PLCB1: variants seen among roughly 807,000 people sequenced by gnomAD.
PLCB1 encodes 1-phosphatidylinositol 4,5-bisphosphate phosphodiesterase beta-1.
Under a neutral mutation model 161.8 loss-of-function variants are expected in PLCB1, and 46 were observed. The observed-to-expected ratio is 0.28, with a 90% confidence interval of 0.22 to 0.36. The LOEUF is 0.36. PLCB1 is among the 10% of genes least tolerant of loss of function. The pLI, the probability that PLCB1 is intolerant of heterozygous loss-of-function variation, is 1.00. For missense variants in PLCB1, 1,016 were observed against 1,472.5 expected (o/e 0.69, Z 5.07); for synonymous variants, 517 against 503.7 (o/e 1.03, Z -0.35).
At chr20:8,136,174 G>A (rs959390826) in intron 1 of PLCB1, among the ~76,000 whole-genome samples, 1 of 152,056 alleles carries the variant, frequency 6.6e-6, no homozygotes, top group African/African-American at 2.4e-5. Context: ...CTGTGGGCAG[G>A]TTGCTTAACG....
At chr20:8,788,212 A>C (rs1478702897) in intron 27 of PLCB1, among the ~76,000 whole-genome samples, 2 of 152,238 alleles carry the variant, frequency 1.3e-5, no homozygotes, top group Non-Finnish European at 2.9e-5. Flanking sequence ...CAATCTAATG[A>C]ATTCTGTTTA....
chr20:8,794,460 G>A (rs900561869), intron 31 of PLCB1, among the ~76,000 whole-genome samples: 2 of 152,274 alleles, frequency 1.3e-5, no homozygotes, highest in South Asian at 2.1e-4. Flanking sequence ...CTGACTTCCT[G>A]CAACAAGATG....
At chr20:8,775,314 T>C (rs939012852) in intron 27 of PLCB1, among the ~76,000 whole-genome samples, 4 of 152,214 alleles carry the variant, frequency 2.6e-5, no homozygotes, top group African/African-American at 9.7e-5. Flanking sequence ...TGTTGATTCC[T>C]TGATACATAG....
chr20:8,395,231 C>T (rs2122448656), intron 3 of PLCB1, among the ~76,000 whole-genome samples: 1 of 152,118 alleles, frequency 6.6e-6, no homozygotes, highest in South Asian at 2.1e-4. Context: ...AGATAAATCT[C>T]TACTGTCGAA....
At chr20:8,578,713 C>T (rs553130900) in intron 3 of PLCB1, among the ~76,000 whole-genome samples, 5 of 152,268 alleles carry the variant, frequency 3.3e-5, no homozygotes, top group South Asian at 2.1e-4. Context: ...CATTACCATT[C>T]GGGGTCATTA....
Position 8,437,049 on chromosome 20 carries a change from T to A in PLCB1, c.246+65599T>A, listed in dbSNP as rs534532414. Among the ~76,000 whole-genome samples, 21 of 152,126 alleles carry A rather than the reference T, an allele frequency of 1.4e-4. No individual in the cohort carries two copies. In the South Asian group the frequency reaches 4.4e-3, roughly 32 times the overall value. ...AAGTGATCCACCCACCTTGGCCTCC[T>A]AAAGTGCCGGGATTACAGGCATGAG... is the stretch of plus-strand genomic sequence containing the variant. On this transcript the variant is annotated intron_variant, in intron 3 of 31. Transcript: ENST00000338037.
intron 3 of PLCB1, among the ~76,000 whole-genome samples, chr20:8,535,842 A>G (rs371447853): frequency 1.3e-5 from 2 of 152,208 alleles, no homozygotes; most frequent in Non-Finnish European, 2.9e-5. Flanking sequence ...TAGTTTTACC[A>G]TGATGCTGGT....
chr20:8,817,039 C>G (rs1414292822), intron 31 of PLCB1, among the ~76,000 whole-genome samples: 1 of 152,230 alleles, frequency 6.6e-6, no homozygotes, highest in East Asian at 1.9e-4. Context: ...TTGATTGGTT[C>G]TTAGTAGAAT....
intron 2 of PLCB1, among the ~76,000 whole-genome samples, chr20:8,350,021 T>C (rs1046197852): frequency 3.9e-5 from 6 of 152,200 alleles, no homozygotes; most frequent in African/African-American, 1.4e-4. Context: ...GCAATATCAA[T>C]GTACAAACGT....
At chr20:8,579,075 T>A (rs577793867) in intron 3 of PLCB1, among the ~76,000 whole-genome samples, 1 of 152,352 alleles carries the variant, frequency 6.6e-6, no homozygotes, top group East Asian at 1.9e-4. Flanking sequence ...AGAAGACTGA[T>A]TGCATTATTG....
At chr20:8,138,130 A>G (rs780184416) in intron 1 of PLCB1, among the ~76,000 whole-genome samples, 9 of 152,176 alleles carry the variant, frequency 5.9e-5, no homozygotes, top group Non-Finnish European at 8.8e-5. Context: ...CTGGAATATA[A>G]TTTTCTCTCA....
chr20:8,668,376 G>A (rs1989866215), intron 9 of PLCB1, among the ~76,000 whole-genome samples: 1 of 152,164 alleles, frequency 6.6e-6, no homozygotes, highest in African/African-American at 2.4e-5. Context: ...CTCCAAGCTA[G>A]GGATAGCATT....
intron 2 of PLCB1, among the ~76,000 whole-genome samples, chr20:8,225,761 T>C (rs1979649681): frequency 6.6e-6 from 1 of 152,228 alleles, no homozygotes; most frequent in South Asian, 2.1e-4. Flanking sequence ...TTGTTCTCAC[T>C]TTCAGTTCTC....
intron 31 of PLCB1, among the ~76,000 whole-genome samples, chr20:8,860,980 G>A (rs1987236809): frequency 1.3e-5 from 2 of 152,074 alleles, no homozygotes; most frequent in African/African-American, 2.4e-5. Context: ...ATTTTATTCT[G>A]TTGGACATTT....
chr20:8,269,883 A>G (rs67220553), intron 2 of PLCB1, among the ~76,000 whole-genome samples: 13,692 of 151,712 alleles, frequency 0.09, 711 homozygotes, highest in East Asian at 0.19. Flanking sequence ...TGTGAAATGT[A>G]GATCTTTTCC....
chr20:8,675,342 C>T (rs760080256), intron 9 of PLCB1, among the ~76,000 whole-genome samples: 6 of 152,164 alleles, frequency 3.9e-5, no homozygotes, highest in Non-Finnish European at 8.8e-5. Flanking sequence ...TCCTCTGTGG[C>T]TCTGATGGCA....
chr20:8,193,711 A>T (rs1295284838), intron 2 of PLCB1, among the ~76,000 whole-genome samples: 5 of 151,994 alleles, frequency 3.3e-5, no homozygotes, highest in Admixed American at 3.3e-4. Flanking sequence ...TTCTTATAAG[A>T]ATGGCAAGGA....
intron 31 of PLCB1, among the ~76,000 whole-genome samples, chr20:8,821,501 G>GTATATATATATA (rs552044656): frequency 2.4e-5 from 1 of 42,390 alleles, no homozygotes; most frequent in Non-Finnish European, 4.7e-5. Flanking sequence ...AAAAAAATAT[G>GTATATATATATA]TATATATATA....
intron 3 of PLCB1, among the ~76,000 whole-genome samples, chr20:8,452,143 AG>A (rs1214760380): frequency 6.6e-6 from 1 of 152,234 alleles, no homozygotes; most frequent in African/African-American, 2.4e-5. Context: ...TCAATTTGCA[AG>A]GCATCATTCC....
Sources: gnomAD v4.1 joint callset for allele counts (sites outside exome capture counted in the v4.1 genomes callset) on GRCh38, gnomAD v4.1.1 for gene constraint, MANE v1.5 for transcripts, NCBI Gene and HGNC (gene_info 2026-07-23, HGNC 2026-07-21) for gene names.